The following SLC37A3 variants were observed in gnomAD, a reference collection of about 807,000 sequenced individuals.
SLC37A3 encodes sugar phosphate exchanger 3.
A neutral mutation model predicts 67.1 loss-of-function variants in SLC37A3; 51 were observed. The observed-to-expected ratio is 0.76, with a 90% confidence interval of 0.61 to 0.96. The LOEUF (loss-of-function observed/expected upper bound fraction) is 0.96. Ranked by LOEUF, SLC37A3 falls within the 40% of genes least tolerant of loss-of-function variation. The probability of loss-of-function intolerance (pLI) is 0.00; values close to 1 mark genes in which losing one functional copy is unlikely to be tolerated. For synonymous variants in SLC37A3, 214 were observed against 231.4 expected (o/e 0.92, Z 0.68); for missense variants, 508 against 603.0 (o/e 0.84, Z 1.65).
intron 9 of SLC37A3, among the ~76,000 whole-genome samples, chr7:140,350,237 C>A (rs752012565): frequency 1.6e-4 from 24 of 152,250 alleles, no homozygotes; most frequent in Non-Finnish European, 3.2e-4. Flanking sequence ...GACACACGGA[C>A]GGGTTGCGTG....
chr7:140,349,008 G>A (rs1796690316), intron 9 of SLC37A3, among the ~76,000 whole-genome samples: 1 of 152,126 alleles, frequency 6.6e-6, no homozygotes, highest in African/African-American at 2.4e-5. Flanking sequence ...AAACACCTAT[G>A]GCTACTTCTT....
In SLC37A3 at chr7:140,335,426, T is replaced by C. The variant is rs552158598; in HGVS notation, c.1471A>G (p.Ile491Val). 3.7e-6 allele frequency: 6 copies of C among 1,614,192 alleles called. No individual in the cohort carries two copies. Among genetic ancestry groups the C allele is most frequent in the Non-Finnish European group, 5.1e-6 (6 of 1,180,056 alleles). The change falls in exon 15 of 15, where the codon ATA becomes GTA. Residue 491 changes from isoleucine to valine, a missense_variant. Transcript: ENST00000326232. ...GCGGGCACCGGTCACTCCCTCAATA[T>C]GTGAGCCTGTCTCCTTAGCACGAGA... ...FSLVLRRQAH[I>V]LRE
intron 12 of SLC37A3, chr7:140,344,127 T>C (rs1215013390): frequency 1.3e-5 from 2 of 155,392 alleles, no homozygotes; most frequent in African/African-American, 4.8e-5. Context: ...ATCTAAAGTT[T>C]AAAATAAGTA....
chr7:140,365,203 A>C (rs1797550363), intron 4 of SLC37A3, among the ~76,000 whole-genome samples: 1 of 152,214 alleles, frequency 6.6e-6, no homozygotes, highest in Non-Finnish European at 1.5e-5. Context: ...TGAAGACCTT[A>C]AGCGCAGCAC....
chr7:140,385,523 G>T (rs1798415365), intron 1 of SLC37A3, among the ~76,000 whole-genome samples: 1 of 152,094 alleles, frequency 6.6e-6, no homozygotes, highest in Non-Finnish European at 1.5e-5. Flanking sequence ...AAGGGCATGG[G>T]ATATGAAATT....
intron 3 of SLC37A3, chr7:140,370,675 A>G (rs545613684): frequency 1.3e-5 from 2 of 152,310 alleles, no homozygotes; most frequent in Non-Finnish European, 2.9e-5. Context: ...TTACAACACT[A>G]TATGTGTTTG....
chr7:140,335,290 G>C lies in SLC37A3; in HGVS notation c.*122C>G. ...AGCATCTCAGGTGGCTGGCAGTGTT[G>C]AGAGACGCCTGACAATCCAAGATCA... On this transcript the variant is annotated 3_prime_UTR_variant, in exon 15 of 15. Transcript: ENST00000326232. 6.2e-7 allele frequency: 1 copy of C among 1,614,122 alleles called. No individual in the cohort carries two copies. The highest frequency in any genetic ancestry group is 8.5e-7 in the Non-Finnish European group (1 of 1,180,026).
chr7:140,386,449 C>CAATAATAATAAT (rs59004511), intron 1 of SLC37A3, among the ~76,000 whole-genome samples: 29,785 of 146,278 alleles, frequency 0.2, 3,228 homozygotes, highest in South Asian at 0.3. Context: ...TATGCAATTA[C>CAATAATAATAAT]AATAATAATA....
chr7:140,354,564 T>C (rs558077258), intron 7 of SLC37A3, among the ~76,000 whole-genome samples: 1 of 152,296 alleles, frequency 6.6e-6, no homozygotes, highest in Non-Finnish European at 1.5e-5. Flanking sequence ...GGGAGTTAAA[T>C]ATTTATTAAA....
chr7:140,376,654 A>C (rs1327744731), intron 3 of SLC37A3, among the ~76,000 whole-genome samples: 1 of 152,200 alleles, frequency 6.6e-6, no homozygotes, highest in Non-Finnish European at 1.5e-5. Flanking sequence ...GGGCTTCCTC[A>C]AAGTGGTGAG....
chr7:140,365,423 T>C (rs138614584), intron 4 of SLC37A3, among the ~76,000 whole-genome samples: 15 of 143,832 alleles, frequency 1.0e-4, no homozygotes, highest in Admixed American at 9.8e-4. Context: ...AACCCATCTC[T>C]AAAAAAAAAA....
intron 3 of SLC37A3, among the ~76,000 whole-genome samples, chr7:140,373,067 T>C (rs1358303882): frequency 6.6e-6 from 1 of 152,162 alleles, no homozygotes; most frequent in Non-Finnish European, 1.5e-5. Flanking sequence ...TTCTCCTGCC[T>C]CAGCCTCCTG....
chr7:140,368,844 T>C (rs12703797), intron 4 of SLC37A3, among the ~76,000 whole-genome samples: 57,636 of 151,852 alleles, frequency 0.38, 11,836 homozygotes, highest in Non-Finnish European at 0.46. Flanking sequence ...AAAATATTAT[T>C]GGCTTTACCT....
At chr7:140,343,864 G>C (rs1796453251) in intron 12 of SLC37A3, 2 of 305,988 alleles carry the variant, frequency 6.5e-6, no homozygotes, top group Admixed American at 1.0e-4. Context: ...AATTGCACTA[G>C]CTTGTCAAAT....
At chr7:140,380,751 T>A (rs1798217626) in intron 2 of SLC37A3, among the ~76,000 whole-genome samples, 1 of 152,036 alleles carries the variant, frequency 6.6e-6, no homozygotes, top group Admixed American at 6.6e-5. Context: ...TACAAAAATT[T>A]CTGTATTTTT....
intron 6 of SLC37A3, 75 bp downstream of exon 6, chr7:140,358,565 G>A: frequency 6.3e-7 from 1 of 1,592,920 alleles, no homozygotes; most frequent in Non-Finnish European, 8.6e-7. Context: ...CAAAGTAACT[G>A]ACTTTGACAA....
chr7:140,343,239 C>A (rs1461629925), intron 13 of SLC37A3, among the ~76,000 whole-genome samples, 173 bp downstream of exon 13: 1 of 152,140 alleles, frequency 6.6e-6, no homozygotes, highest in African/African-American at 2.4e-5. Flanking sequence ...ATGGAGAGTC[C>A]TTCTACATTA....
In SLC37A3 at chr7:140,334,472, C is replaced by T. The variant is rs183296039; in HGVS notation, c.*940G>A. ...CCTTTTCTCTAATTCTAGTCTTCTGCTGAGGTAACTCCAGGAAGCTGCTTG... is the reference window on the plus strand; with the variant it reads ...CCTTTTCTCTAATTCTAGTCTTCTGTTGAGGTAACTCCAGGAAGCTGCTTG... On this transcript the variant is annotated 3_prime_UTR_variant, in exon 15 of 15. Transcript: ENST00000326232. 2 of 152,692 alleles carry T rather than the reference C, an allele frequency of 1.3e-5. No individual in the cohort carries two copies. The highest frequency in any genetic ancestry group is 4.8e-5 in the African/African-American group (2 of 41,552). The allele number at this position is 152,692 out of a possible 1,614,324, so 9.5% of individuals were successfully genotyped here.
At chr7:140,340,948 G>GAA (rs1796339141) in intron 13 of SLC37A3, among the ~76,000 whole-genome samples, 1 of 148,236 alleles carries the variant, frequency 6.7e-6, no homozygotes, top group African/African-American at 2.5e-5. Context: ...AAAAAATAGA[G>GAA]AGAGAGAGCC....
Sources: allele counts gnomAD v4.1 joint callset (sites outside exome capture counted in the v4.1 genomes callset), GRCh38; gene constraint gnomAD v4.1.1; transcripts MANE v1.5; gene names NCBI Gene and HGNC (gene_info 2026-07-23, HGNC 2026-07-21).